The following USP12 variants were observed in gnomAD, a reference collection of about 807,000 sequenced individuals.
The protein encoded by USP12 is ubiquitin carboxyl-terminal hydrolase 12.
In USP12, 19 loss-of-function variants were observed where a neutral mutation model predicts 45.5. That is an observed-to-expected ratio of 0.42 (90% CI 0.29 to 0.61). USP12 has a LOEUF of 0.61. USP12 is among the 20% of genes least tolerant of loss of function. The pLI is 0.22. For synonymous variants in USP12, 149 were observed against 148.8 expected, an observed-to-expected ratio of 1.00 and a Z score of -0.01; for missense variants, 242 against 447.7, an observed-to-expected ratio of 0.54 and a Z score of 4.15.
At chr13:27,159,023 C>G (rs1877977606) in intron 1 of USP12, among the ~76,000 whole-genome samples, 1 of 152,210 alleles carries the variant, frequency 6.6e-6, no homozygotes, top group Admixed American at 6.5e-5. Flanking sequence ...TATCCCAACT[C>G]TTTCTAGCAA....
chr13:27,134,222 C>G (rs1876677092), intron 1 of USP12, among the ~76,000 whole-genome samples: 1 of 152,174 alleles, frequency 6.6e-6, no homozygotes, highest in South Asian at 2.1e-4. Flanking sequence ...AAGAAGCTCT[C>G]TCTATAGGGT....
intron 2 of USP12, among the ~76,000 whole-genome samples, chr13:27,113,102 G>A (rs1875534549): frequency 6.6e-6 from 1 of 152,044 alleles, no homozygotes; most frequent in Non-Finnish European, 1.5e-5. Flanking sequence ...GAGCATGGTG[G>A]TGTGCACCTG....
chr13:27,118,778 T>A (rs1454131654), intron 1 of USP12, among the ~76,000 whole-genome samples: 1 of 152,244 alleles, frequency 6.6e-6, no homozygotes, highest in Admixed American at 6.5e-5. Flanking sequence ...AAGGCATTTC[T>A]GGCCTTTAAG....
rs771199855 is a variant in USP12, at chr13:27,134,772, T to A, written c.49-18176A>T. ...CAATCAGTTTTATAAAAAGACTAGGTCAGTAATTAATGATCTATTAAGTGG... is the reference window on the plus strand; with the variant it reads ...CAATCAGTTTTATAAAAAGACTAGGACAGTAATTAATGATCTATTAAGTGG... On this transcript the variant is annotated intron_variant, in intron 1 of 8. Transcript: ENST00000282344. 1.5e-4 allele frequency among the ~76,000 whole-genome samples: 23 copies of A among 151,012 alleles called. 1 individual carries two copies. Among genetic ancestry groups the A allele is most frequent in the Non-Finnish European group, 2.8e-4 (19 of 67,862 alleles).
chr13:27,144,376 T>C (rs534740434), intron 1 of USP12, among the ~76,000 whole-genome samples: 30 of 151,902 alleles, frequency 2.0e-4, no homozygotes, highest in Middle Eastern at 3.4e-3. Context: ...ATACCTGTAA[T>C]ATTAGCTACT....
chr13:27,108,239 T>C (rs557685934), intron 2 of USP12, among the ~76,000 whole-genome samples: 49 of 152,160 alleles, frequency 3.2e-4, no homozygotes, highest in African/African-American at 1.2e-3. Flanking sequence ...TGTAGGGACA[T>C]GGATGAAATT....
intron 2 of USP12, among the ~76,000 whole-genome samples, chr13:27,114,780 A>G (rs564765393): frequency 0.021 from 3,237 of 152,134 alleles, 120 homozygotes; most frequent in African/African-American, 0.075. Context: ...AAAAAAAAAA[A>G]AAAAACAAAC....
intron 2 of USP12, among the ~76,000 whole-genome samples, chr13:27,107,927 T>G (rs910581943): frequency 6.6e-6 from 1 of 152,014 alleles, no homozygotes; most frequent in African/African-American, 2.4e-5. Context: ...ACTTTTACAC[T>G]GTTGGTGGGA....
At chr13:27,125,374 A>C (rs9579071) in intron 1 of USP12, among the ~76,000 whole-genome samples, 16,951 of 152,248 alleles carry the variant, frequency 0.11, 1,199 homozygotes, top group Middle Eastern at 0.23. Flanking sequence ...TAAGAGAATA[A>C]GTGTCAAAAC....
At chr13:27,081,342 T>G (rs1463314871) in intron 6 of USP12, among the ~76,000 whole-genome samples, 1 of 152,210 alleles carries the variant, frequency 6.6e-6, no homozygotes, top group African/African-American at 2.4e-5. Flanking sequence ...GTAGATTCCA[T>G]CTCAACAAAC....
In USP12 at chr13:27,090,159, C is replaced by G. The variant is rs1565986011; in HGVS notation, c.574-1G>C. The G allele has an allele frequency of 1.3e-6, 2 of 1,574,124 alleles. No individual in the cohort carries two copies. Among genetic ancestry groups the G allele is most frequent in the African/African-American group, 1.3e-5 (1 of 74,400 alleles). ...AAAAATCTTCATCTTTGCTGCTTAT[C>G]TGTAAAAACAGTGAATTGTCTTTGA... On this transcript the variant is annotated splice_acceptor_variant, in intron 4 of 8. Coordinates refer to ENST00000282344, the MANE Select transcript of USP12 (RefSeq NM_182488.4). LOFTEE classifies it high-confidence loss of function.
rs1218273132 is a variant in USP12 at position 27,103,761 on chromosome 13, A to AAG, written c.343+1968_343+1969dup. ...CATCTCTACCAAAAAAAAAAAAAAA[A>AAG]AGAGAGAGAGACAGAGAGAGAAAGA... On this transcript the variant is annotated intron_variant, in intron 3 of 8. Transcript: ENST00000282344. Among the ~76,000 whole-genome samples the AAG allele has an allele frequency of 4.8e-3, 704 of 147,566 alleles. 6 individuals are homozygous for AAG. Among genetic ancestry groups the AAG allele is most frequent in the African/African-American group, 0.016 (653 of 40,528 alleles).
chr13:27,159,492 A>AC (rs1346131894), intron 1 of USP12, among the ~76,000 whole-genome samples: 1 of 152,180 alleles, frequency 6.6e-6, no homozygotes, highest in Non-Finnish European at 1.5e-5. Context: ...ACTAGGCCAC[A>AC]CCTATTCAAT....
intron 2 of USP12, among the ~76,000 whole-genome samples, chr13:27,116,307 G>C (rs1875736279): frequency 2.1e-5 from 2 of 96,638 alleles, no homozygotes; most frequent in Non-Finnish European, 3.9e-5. Context: ...GCAAGACGCT[G>C]TCTCAAAAAA....
intron 1 of USP12, among the ~76,000 whole-genome samples, chr13:27,167,899 T>G (rs1208667922): frequency 6.6e-6 from 1 of 152,166 alleles, no homozygotes; most frequent in South Asian, 2.1e-4. Context: ...CTTACCTGGA[T>G]CCCAGTGAGA....
At chr13:27,139,384 G>C in intron 1 of USP12, among the ~76,000 whole-genome samples, 1 of 151,860 alleles carries the variant, frequency 6.6e-6, no homozygotes, top group East Asian at 1.9e-4. Context: ...GGAAGGCGGA[G>C]GCGGGAGGAT....
intron 3 of USP12, among the ~76,000 whole-genome samples, chr13:27,098,055 T>C (rs1201089491): frequency 6.6e-6 from 1 of 151,836 alleles, no homozygotes; most frequent in Non-Finnish European, 1.5e-5. Context: ...TCATATAGTA[T>C]TTTTAAAAAC....
intron 1 of USP12, among the ~76,000 whole-genome samples, chr13:27,164,375 A>G (rs1878255049): frequency 6.6e-6 from 1 of 152,218 alleles, no homozygotes; most frequent in African/African-American, 2.4e-5. Context: ...CTACAGATAA[A>G]TAAAGCAAGC....
At chr13:27,087,228 ATAAG>A (rs1441815597) in intron 6 of USP12, among the ~76,000 whole-genome samples, 1 of 139,608 alleles carries the variant, frequency 7.2e-6, no homozygotes, top group East Asian at 2.2e-4. Flanking sequence ...CACCGACCAA[ATAAG>A]TAAATATAGT....
Sources: gnomAD v4.1 joint callset for allele counts (sites outside exome capture counted in the v4.1 genomes callset) on GRCh38, gnomAD v4.1.1 for gene constraint, MANE v1.5 for transcripts, NCBI Gene and HGNC (gene_info 2026-07-23, HGNC 2026-07-21) for gene names.